CAMKMT: variants seen among roughly 807,000 people sequenced by gnomAD.
CAMKMT encodes CaM KMT.
CAMKMT carries 53 observed loss-of-function variants against 48.0 expected under a neutral mutation model. The observed-to-expected ratio is 1.10, with a 90% CI of 0.89 to 1.39. CAMKMT has a LOEUF of 1.39. Among genes scored for constraint, CAMKMT ranks in the 40% most tolerant of loss-of-function variants. The probability of loss-of-function intolerance (pLI) is 0.00; values close to 1 mark genes in which losing one functional copy is unlikely to be tolerated. For missense variants in CAMKMT, 428 were observed against 402.7 expected (o/e 1.06, Z -0.54); for synonymous variants, 165 against 152.3 (o/e 1.08, Z -0.61).
chr2:44,444,397 AG>A (rs1440496312), intron 3 of CAMKMT, among the ~76,000 whole-genome samples: 1 of 152,166 alleles, frequency 6.6e-6, no homozygotes, highest in Non-Finnish European at 1.5e-5. Context: ...GTGTCACATG[AG>A]CTTTTGATAG....
chr2:44,409,478 G>C (rs1683043004), intron 3 of CAMKMT, among the ~76,000 whole-genome samples: 2 of 152,016 alleles, frequency 1.3e-5, no homozygotes, highest in South Asian at 4.1e-4. Context: ...GATTCTAAAA[G>C]TAGATGTTAT....
intron 3 of CAMKMT, among the ~76,000 whole-genome samples, chr2:44,441,004 G>A (rs1666623074): frequency 6.6e-6 from 1 of 152,102 alleles, no homozygotes; most frequent in African/African-American, 2.4e-5. Flanking sequence ...ATCATGAAAT[G>A]AAAGTTCCTA....
chr2:44,470,991 T>A (rs1199285121), intron 3 of CAMKMT, among the ~76,000 whole-genome samples: 1 of 119,852 alleles, frequency 8.3e-6, no homozygotes, highest in Non-Finnish European at 1.7e-5. Context: ...TCTCTCTCTC[T>A]CTCTTTTTTT....
intron 5 of CAMKMT, among the ~76,000 whole-genome samples, chr2:44,706,616 T>C (rs1157706698): frequency 6.6e-6 from 1 of 151,140 alleles, no homozygotes; most frequent in Non-Finnish European, 1.5e-5. Context: ...CGAAAGCATT[T>C]TTTTTTTTTT....
At chr2:44,650,300 GTC>G (rs1673987709) in intron 3 of CAMKMT, among the ~76,000 whole-genome samples, 1 of 152,126 alleles carries the variant, frequency 6.6e-6, no homozygotes, top group Admixed American at 6.5e-5. Flanking sequence ...CTCCCTGGGT[GTC>G]TCTCTGTCTT....
chr2:44,411,201 T>A lies in CAMKMT; in HGVS notation c.376+20896T>A, dbSNP rs557156853. On this transcript the variant is annotated intron_variant, in intron 3 of 10. Coordinates refer to ENST00000378494, the MANE Select transcript of CAMKMT (RefSeq NM_024766.5). ...ACCTTGTACATTATATTCCTGGGCA[T>A]CCAGATTTGTTAGGGTAGGTATTTT... Among the ~76,000 whole-genome samples the A allele has an allele frequency of 9.2e-5, 14 of 152,326 alleles. No homozygotes were observed. The East Asian group carries it at 2.7e-3, about 29-fold the overall frequency.
chr2:44,379,503 C>A (rs779892424), intron 2 of CAMKMT, among the ~76,000 whole-genome samples: 2 of 152,140 alleles, frequency 1.3e-5, no homozygotes, highest in African/African-American at 4.8e-5. Flanking sequence ...TTTCATAGGG[C>A]TGTACCATTT....
At chr2:44,648,313 G>C (rs1414297512) in intron 3 of CAMKMT, among the ~76,000 whole-genome samples, 1 of 152,040 alleles carries the variant, frequency 6.6e-6, no homozygotes, top group African/African-American at 2.4e-5. Context: ...TTTGGTGGTG[G>C]GCAGACTTTC....
At chr2:44,530,978 G>A (rs1666453086) in intron 3 of CAMKMT, among the ~76,000 whole-genome samples, 1 of 151,880 alleles carries the variant, frequency 6.6e-6, no homozygotes, top group Non-Finnish European at 1.5e-5. Context: ...TTGTGCATAT[G>A]AACTTGCTGG....
intron 1 of CAMKMT, among the ~76,000 whole-genome samples, chr2:44,364,614 T>G (rs1416905117): frequency 6.6e-6 from 1 of 152,176 alleles, no homozygotes; most frequent in Non-Finnish European, 1.5e-5. Flanking sequence ...GTAAGGACAG[T>G]CTTTAAGTGG....
In CAMKMT at chr2:44,729,824, C is replaced by T. The variant is rs557422981; in HGVS notation, c.624-13798C>T. Among the ~76,000 whole-genome samples the T allele has an allele frequency of 2.6e-5, 4 of 152,302 alleles. No homozygotes were observed. In the South Asian group the frequency reaches 6.2e-4, roughly 24 times the overall value. On this transcript the variant is annotated intron_variant, in intron 7 of 10. Transcript: ENST00000378494. The stretch of plus-strand genomic sequence containing the variant: ...TCTCAAAGTGTGGCCCCCTGACCAG[C>T]ACCACCAGCATCAGTTGTATACTTG...
intron 1 of CAMKMT, among the ~76,000 whole-genome samples, chr2:44,367,946 A>G (rs756198257): frequency 4.6e-5 from 7 of 152,194 alleles, no homozygotes; most frequent in Admixed American, 6.5e-5. Context: ...GTGTTTCTGT[A>G]TAGTTATGAT....
intron 7 of CAMKMT, among the ~76,000 whole-genome samples, chr2:44,738,150 G>A (rs567283882): frequency 6.6e-6 from 1 of 152,178 alleles, no homozygotes; most frequent in East Asian, 1.9e-4. Flanking sequence ...CACCATGCCT[G>A]GCCCCATCTT....
chr2:44,629,509 C>T (rs1167943973), intron 3 of CAMKMT, among the ~76,000 whole-genome samples: 1 of 147,474 alleles, frequency 6.8e-6, no homozygotes, highest in Admixed American at 6.9e-5. Flanking sequence ...AATCTTGGCT[C>T]ACTGCAATCT....
intron 2 of CAMKMT, among the ~76,000 whole-genome samples, chr2:44,387,165 A>G (rs1680854468): frequency 1.3e-5 from 2 of 152,116 alleles, no homozygotes; most frequent in South Asian, 4.1e-4. Context: ...TTTCTTAGGC[A>G]TTAGTAATTG....
rs1243434457 is a variant in CAMKMT, at chr2:44,537,339, C to G, written c.376+147034C>G. 2.6e-5 allele frequency among the ~76,000 whole-genome samples: 4 copies of G among 152,098 alleles called. No individual in the cohort carries two copies. In the East Asian group the frequency reaches 7.7e-4, roughly 29 times the overall value. Reference sequence around the variant, plus strand: ...CAGTAAAACAAACAAACAAACAGTTCCATTAAAAAGTGAGAAGGGACATGA... The same window carrying G: ...CAGTAAAACAAACAAACAAACAGTTGCATTAAAAAGTGAGAAGGGACATGA... On this transcript the variant is annotated intron_variant, in intron 3 of 10. Coordinates refer to ENST00000378494, the MANE Select transcript of CAMKMT (RefSeq NM_024766.5).
chr2:44,449,190 C>T (rs1156630639), intron 3 of CAMKMT, among the ~76,000 whole-genome samples: 2 of 152,056 alleles, frequency 1.3e-5, no homozygotes, highest in Non-Finnish European at 2.9e-5. Context: ...TTCCAAGAAG[C>T]AGGCTAGAAA....
chr2:44,706,364 T>A, intron 5 of CAMKMT, 23 bp downstream of exon 5: 1 of 1,612,406 alleles, frequency 6.2e-7, no homozygotes, highest in Non-Finnish European at 8.5e-7. Flanking sequence ...TCCATTCCAA[T>A]CCCATTCAGA....
intron 1 of CAMKMT, among the ~76,000 whole-genome samples, chr2:44,368,528 CGTT>C (rs1238306803): frequency 2.0e-5 from 3 of 152,126 alleles, no homozygotes; most frequent in African/African-American, 7.2e-5. Context: ...ATGTAGATCA[CGTT>C]GTCATACTGT....
Sources: allele counts gnomAD v4.1 joint callset (sites outside exome capture counted in the v4.1 genomes callset), GRCh38; gene constraint gnomAD v4.1.1; transcripts MANE v1.5; gene names NCBI Gene and HGNC (gene_info 2026-07-23, HGNC 2026-07-21).